The following SLIT3 variants were observed in gnomAD, a reference collection of about 807,000 sequenced individuals.
The protein encoded by SLIT3 is slit homolog 3 protein.
Under a neutral mutation model 184.0 loss-of-function variants are expected in SLIT3, and 68 were observed. The ratio of observed to expected loss-of-function variants is 0.37; its 90% CI spans 0.30 to 0.45. SLIT3 has a LOEUF of 0.45. Ranked by LOEUF, SLIT3 falls within the 20% of genes least tolerant of loss-of-function variation. The pLI is 1.00. For synonymous variants in SLIT3, 831 were observed against 828.6 expected, an observed-to-expected ratio of 1.00 and a Z score of -0.05; for missense variants, 1,707 against 2,026.0, an observed-to-expected ratio of 0.84 and a Z score of 3.02.
intron 14 of SLIT3, among the ~76,000 whole-genome samples, chr5:168,765,396 C>T (rs1310975730): frequency 6.6e-6 from 1 of 152,004 alleles, no homozygotes; most frequent in Non-Finnish European, 1.5e-5. Context: ...TTGTTATTGC[C>T]CTGGTTTGTA....
chr5:168,985,775 G>C (rs1755103343), intron 4 of SLIT3, among the ~76,000 whole-genome samples: 1 of 152,142 alleles, frequency 6.6e-6, no homozygotes, highest in South Asian at 2.1e-4. Flanking sequence ...ACAGTGAGGA[G>C]AGGGCTCCTC....
At chr5:168,711,594 T>C (rs1762562564) in intron 24 of SLIT3, among the ~76,000 whole-genome samples, 1 of 152,170 alleles carries the variant, frequency 6.6e-6, no homozygotes, top group African/African-American at 2.4e-5. Context: ...ATACGTAGTA[T>C]ATCCGTATTA....
intron 14 of SLIT3, among the ~76,000 whole-genome samples, chr5:168,762,931 C>A (rs1478121049): frequency 6.6e-6 from 1 of 152,164 alleles, no homozygotes; most frequent in African/African-American, 2.4e-5. Context: ...GAAGACCAGA[C>A]TCAAGATCTG....
chr5:168,798,416 G>C (rs1756651969), intron 9 of SLIT3, among the ~76,000 whole-genome samples: 3 of 151,888 alleles, frequency 2.0e-5, no homozygotes, highest in Admixed American at 6.6e-5. Flanking sequence ...TTTGTAGAGA[G>C]AGGGGTCTCA....
At chr5:168,948,458 A>G (rs1169959739) in intron 4 of SLIT3, among the ~76,000 whole-genome samples, 1 of 152,198 alleles carries the variant, frequency 6.6e-6, no homozygotes, top group East Asian at 1.9e-4. Flanking sequence ...GGCTGCAGGT[A>G]GAAACTCCCT....
At chr5:169,194,885 A>T (rs1763689921) in intron 3 of SLIT3, among the ~76,000 whole-genome samples, 1 of 152,222 alleles carries the variant, frequency 6.6e-6, no homozygotes, top group African/African-American at 2.4e-5. Context: ...TCTTCGGAGC[A>T]CTGGGCCAAG....
At chr5:168,997,402 G>C (rs529420609) in intron 4 of SLIT3, among the ~76,000 whole-genome samples, 15 of 152,228 alleles carry the variant, frequency 9.9e-5, no homozygotes, top group African/African-American at 3.6e-4. Context: ...TGGGGTTCTG[G>C]GTTTGTGGAA....
chr5:168,786,171 G>T (rs981257842), intron 11 of SLIT3, among the ~76,000 whole-genome samples, 193 bp from the exon 12 acceptor site: 8 of 152,310 alleles, frequency 5.3e-5, no homozygotes, highest in Admixed American at 3.3e-4. Context: ...AGGGCAGGTT[G>T]TCTGGGAGGT....
At chr5:168,666,912 T>C (rs765877451) in intron 35 of SLIT3, 142 of 701,656 alleles carry the variant, frequency 2.0e-4, no homozygotes, top group Non-Finnish European at 3.1e-4. Context: ...GCCGTGAGGA[T>C]ATAATGATGA....
intron 5 of SLIT3, among the ~76,000 whole-genome samples, chr5:168,857,404 T>TTTTG (rs1491062143): frequency 2.0e-5 from 3 of 149,528 alleles, no homozygotes; most frequent in Non-Finnish European, 4.5e-5. Context: ...TTTTGTTTTG[T>TTTTG]TTTAAGATGA....
At chr5:168,699,094 C>T (rs72839515) in intron 27 of SLIT3, among the ~76,000 whole-genome samples, 1 of 152,186 alleles carries the variant, frequency 6.6e-6, no homozygotes, top group African/African-American at 2.4e-5. Context: ...TGTTTCCCTG[C>T]AGTTTCTTCT....
chr5:168,954,898 T>C (rs923937547), intron 4 of SLIT3, among the ~76,000 whole-genome samples: 11 of 152,248 alleles, frequency 7.2e-5, no homozygotes, highest in African/African-American at 2.7e-4. Flanking sequence ...GGAGTTTTAA[T>C]GGTGAAAACT....
intron 4 of SLIT3, among the ~76,000 whole-genome samples, chr5:169,178,636 A>G: frequency 6.6e-6 from 1 of 152,088 alleles, no homozygotes; most frequent in Non-Finnish European, 1.5e-5. Flanking sequence ...CCAGATCTCT[A>G]TCTTTAGCAC....
intron 32 of SLIT3, among the ~76,000 whole-genome samples, chr5:168,683,573 T>C (rs1045943331): frequency 6.6e-6 from 1 of 151,940 alleles, no homozygotes; most frequent in African/African-American, 2.4e-5. Flanking sequence ...TTGAGTTTCT[T>C]CCCCTTGAGT....
intron 4 of SLIT3, among the ~76,000 whole-genome samples, chr5:169,180,988 C>G (rs1763134091): frequency 6.6e-6 from 1 of 152,132 alleles, no homozygotes; most frequent in African/African-American, 2.4e-5. Flanking sequence ...GAGAGCTCTC[C>G]CTGGAGGCCA....
intron 3 of SLIT3, among the ~76,000 whole-genome samples, chr5:169,212,849 G>C (rs537873877): frequency 6.0e-4 from 91 of 152,294 alleles, no homozygotes; most frequent in Middle Eastern, 3.4e-3. Flanking sequence ...TCCAGTTTCA[G>C]TTTTCTGCAT....
intron 4 of SLIT3, among the ~76,000 whole-genome samples, chr5:168,959,659 T>G (rs922586513): frequency 6.6e-6 from 1 of 152,108 alleles, no homozygotes; most frequent in Admixed American, 6.5e-5. Context: ...CTAAGTGACG[T>G]GGGAAGAGGG....
chr5:168,779,757 G>T, intron 12 of SLIT3, among the ~76,000 whole-genome samples: 1 of 152,252 alleles, frequency 6.6e-6, no homozygotes, highest in Non-Finnish European at 1.5e-5. Flanking sequence ...TCTGCTAGGG[G>T]ACCGGGGCTG....
rs572919968 is a variant in SLIT3, at chr5:169,249,586, C to T, written c.269+1802G>A. 3.1e-3 allele frequency among the ~76,000 whole-genome samples: 458 copies of T among 149,204 alleles called. 1 individual carries two copies. The highest frequency in any genetic ancestry group is 0.011 in the African/African-American group (437 of 39,056). ...TATAAAAGGAAATCTCTCACAGATGCAGGGGAAATAAATAAAAAAAAATAA... is the reference window on the plus strand; with the variant it reads ...TATAAAAGGAAATCTCTCACAGATGTAGGGGAAATAAATAAAAAAAAATAA... On this transcript the variant is annotated intron_variant, in intron 2 of 35. Transcript: ENST00000519560.
Sources: allele counts gnomAD v4.1 joint callset (sites outside exome capture counted in the v4.1 genomes callset), GRCh38; gene constraint gnomAD v4.1.1; transcripts MANE v1.5; gene names NCBI Gene and HGNC (gene_info 2026-07-23, HGNC 2026-07-21).